CPA6: variants seen among roughly 807,000 people sequenced by gnomAD.
CPA6 encodes carboxypeptidase B.
CPA6 carries 58 observed loss-of-function variants against 63.3 expected under a neutral mutation model. The ratio of observed to expected loss-of-function variants is 0.92; its 90% CI spans 0.74 to 1.14. CPA6 has a LOEUF of 1.14. Among genes scored for constraint, CPA6 ranks in the 50% most tolerant of loss-of-function variants. The pLI, the probability that CPA6 is intolerant of heterozygous loss-of-function variation, is 0.00. For missense variants in CPA6, 565 were observed against 526.6 expected (o/e 1.07, Z -0.71); for synonymous variants, 185 against 179.0 (o/e 1.03, Z -0.27).
Position 67,589,001 on chromosome 8 carries a change from C to T in CPA6, c.192+35175G>A, listed in dbSNP as rs573575776. 1.4e-4 allele frequency among the ~76,000 whole-genome samples: 22 copies of T among 152,030 alleles called. No individual in the cohort carries two copies. The East Asian group carries it at 3.7e-3, about 25-fold the overall frequency. On this transcript the variant is annotated intron_variant, in intron 2 of 10. Coordinates refer to ENST00000297770, the MANE Select transcript of CPA6 (RefSeq NM_020361.5). ...GCATGGTCGTTCATGCCTGTAATAC[C>T]AGAAAACTCAAGAGGCTGAGGTAGG... is the stretch of plus-strand genomic sequence containing the variant.
intron 2 of CPA6, among the ~76,000 whole-genome samples, chr8:67,591,067 G>A (rs1256665171): frequency 6.6e-6 from 1 of 150,466 alleles, no homozygotes; most frequent in Admixed American, 6.6e-5. Context: ...TTTGTATAAG[G>A]TGTAAGGAAG....
chr8:67,619,656 G>A (rs557065007), intron 2 of CPA6, among the ~76,000 whole-genome samples: 3 of 152,278 alleles, frequency 2.0e-5, no homozygotes, highest in East Asian at 3.9e-4. Context: ...TGCTTAAAGT[G>A]TTTTTCAGAT....
At chr8:67,632,001 G>A (rs551578900) in intron 1 of CPA6, among the ~76,000 whole-genome samples, 2 of 152,148 alleles carry the variant, frequency 1.3e-5, no homozygotes, top group African/African-American at 4.8e-5. Context: ...AACACTCACC[G>A]CGAGGGTCCG....
intron 6 of CPA6, among the ~76,000 whole-genome samples, chr8:67,500,459 T>C (rs906955127): frequency 6.6e-6 from 1 of 152,192 alleles, no homozygotes. Context: ...GATTTGCATA[T>C]GTTTTCTCAG....
chr8:67,631,125 G>T (rs1815318460), intron 1 of CPA6, among the ~76,000 whole-genome samples: 1 of 152,230 alleles, frequency 6.6e-6, no homozygotes, highest in African/African-American at 2.4e-5. Flanking sequence ...GAACTGGCAG[G>T]CAGCTCCACC....
intron 2 of CPA6, among the ~76,000 whole-genome samples, chr8:67,605,600 A>T (rs1814616032): frequency 7.1e-6 from 1 of 141,548 alleles, no homozygotes; most frequent in Non-Finnish European, 1.5e-5. Context: ...GATCCCATGG[A>T]TGTGGGGACC....
chr8:67,633,592 A>G (rs1815394171), intron 1 of CPA6, among the ~76,000 whole-genome samples: 1 of 151,832 alleles, frequency 6.6e-6, no homozygotes, highest in South Asian at 2.1e-4. Context: ...GAGGCAGGAG[A>G]ATGGCGTGAA....
chr8:67,560,185 T>C (rs1813174124), intron 2 of CPA6, among the ~76,000 whole-genome samples: 2 of 116,878 alleles, frequency 1.7e-5, no homozygotes, highest in Non-Finnish European at 3.7e-5. Context: ...ATATTCCAGA[T>C]GTACTTTTGG....
chr8:67,567,880 C>G (rs763357626), intron 2 of CPA6, among the ~76,000 whole-genome samples: 1 of 152,116 alleles, frequency 6.6e-6, no homozygotes, highest in Non-Finnish European at 1.5e-5. Flanking sequence ...CCTTACCTCA[C>G]GGGGACTGAG....
At chr8:67,662,266 G>A (rs1341281110) in intron 1 of CPA6, among the ~76,000 whole-genome samples, 1 of 152,108 alleles carries the variant, frequency 6.6e-6, no homozygotes, top group African/African-American at 2.4e-5. Flanking sequence ...CAGGTGACAA[G>A]AAACCTACAG....
intron 1 of CPA6, among the ~76,000 whole-genome samples, chr8:67,745,575 A>G (rs926217843): frequency 6.7e-6 from 1 of 150,352 alleles, no homozygotes; most frequent in Non-Finnish European, 1.5e-5. Context: ...TAATAAGCAC[A>G]GACAAAAAAA....
At chr8:67,687,581 T>G (rs1250968015) in intron 1 of CPA6, among the ~76,000 whole-genome samples, 1 of 152,214 alleles carries the variant, frequency 6.6e-6, no homozygotes, top group Middle Eastern at 3.2e-3. Flanking sequence ...GAATTAAATA[T>G]AGAAACATGG....
chr8:67,711,891 GC>G (rs1369267744), intron 1 of CPA6, among the ~76,000 whole-genome samples: 1 of 152,126 alleles, frequency 6.6e-6, no homozygotes, highest in Non-Finnish European at 1.5e-5. Flanking sequence ...TGGCACTGTT[GC>G]CCCAAGGAGA....
At chr8:67,679,678 C>A (rs2128995708) in intron 1 of CPA6, among the ~76,000 whole-genome samples, 1 of 152,260 alleles carries the variant, frequency 6.6e-6, no homozygotes, top group East Asian at 1.9e-4. Flanking sequence ...GCATAGGAAG[C>A]CATAACCAAG....
chr8:67,513,155 G>C lies in CPA6; in HGVS notation c.318-1500C>G, dbSNP rs188638553. ...ATGGCTGCTTGCAGTGGCTCAAAAT[G>C]TGAGTGGGAGGTTGTTGTTAGTCTG... is the stretch of plus-strand genomic sequence containing the variant. On this transcript the variant is annotated intron_variant, in intron 3 of 10. Transcript: ENST00000297770. Among the ~76,000 whole-genome samples, 4 of 152,324 alleles carry C rather than the reference G, an allele frequency of 2.6e-5. No individual in the cohort carries two copies. In the East Asian group the frequency reaches 7.7e-4, roughly 29 times the overall value.
At chr8:67,718,293 TTAA>T (rs1362562857) in intron 1 of CPA6, among the ~76,000 whole-genome samples, 2 of 152,226 alleles carry the variant, frequency 1.3e-5, no homozygotes, top group Non-Finnish European at 2.9e-5. Context: ...GTATTTTTTT[TTAA>T]TGTTTTAAAA....
At chr8:67,648,239 T>G (rs1161265966) in intron 1 of CPA6, among the ~76,000 whole-genome samples, 1 of 147,726 alleles carries the variant, frequency 6.8e-6, no homozygotes, top group Admixed American at 6.8e-5. Flanking sequence ...AGAAATAGTA[T>G]TCAAATTTCC....
chr8:67,526,690 A>C (rs180694212), intron 2 of CPA6, among the ~76,000 whole-genome samples: 2 of 152,108 alleles, frequency 1.3e-5, no homozygotes, highest in Non-Finnish European at 1.5e-5. Flanking sequence ...TTTAGAGGCT[A>C]TGAGAGGAAG....
intron 5 of CPA6, 91 bp downstream of exon 5, chr8:67,509,426 A>C: frequency 1.6e-6 from 1 of 628,728 alleles, no homozygotes; most frequent in South Asian, 2.0e-5. Flanking sequence ...TCTATAAAAG[A>C]TCATTTCATT....
Sources: allele counts gnomAD v4.1 joint callset (sites outside exome capture counted in the v4.1 genomes callset), GRCh38; gene constraint gnomAD v4.1.1; transcripts MANE v1.5; gene names NCBI Gene and HGNC (gene_info 2026-07-23, HGNC 2026-07-21).